TRERF1: variants seen among roughly 807,000 people sequenced by gnomAD.
The protein encoded by TRERF1 is transcriptional regulating factor 1.
TRERF1 carries 27 observed loss-of-function variants against 122.9 expected under a neutral mutation model. The ratio of observed to expected loss-of-function variants is 0.22; its 90% confidence interval spans 0.16 to 0.30. The LOEUF is 0.30. TRERF1 is among the 10% of genes least tolerant of loss of function. The pLI, the probability that TRERF1 is intolerant of heterozygous loss-of-function variation, is 1.00. For synonymous variants in TRERF1, 636 were observed against 641.7 expected, an observed-to-expected ratio of 0.99 and a Z score of 0.13; for missense variants, 1,248 against 1,560.3, an observed-to-expected ratio of 0.80 and a Z score of 3.37.
chr6:42,305,436 C>T (rs894387312), intron 3 of TRERF1, among the ~76,000 whole-genome samples: 5 of 152,136 alleles, frequency 3.3e-5, no homozygotes, highest in African/African-American at 7.2e-5. Flanking sequence ...GGCCACACTG[C>T]TGTCTGAGTT....
At chr6:42,270,768 C>CTTTTTT (rs1175342905) in intron 4 of TRERF1, among the ~76,000 whole-genome samples, 6 of 119,598 alleles carry the variant, frequency 5.0e-5, no homozygotes, top group Non-Finnish European at 8.9e-5. Flanking sequence ...GACCTCATCT[C>CTTTTTT]TTTTTTTTTT....
In TRERF1 at chr6:42,362,059, C is replaced by T. The variant is rs1467918661; in HGVS notation, c.-371+938G>A. Among the ~76,000 whole-genome samples, 6 of 152,312 alleles carry T rather than the reference C, an allele frequency of 3.9e-5. No individual in the cohort carries two copies. The East Asian group carries it at 9.6e-4, about 24-fold the overall frequency. On this transcript the variant is annotated intron_variant, in intron 3 of 17. Coordinates refer to ENST00000372922, the Ensembl canonical transcript of TRERF1. ...TCCTTCCAGGCACAGTAACAGCTCC[C>T]TGACACTGCTGGCCCTGGGTGCTTC...
chr6:42,334,475 G>C (rs1329896690), intron 3 of TRERF1, among the ~76,000 whole-genome samples: 1 of 152,212 alleles, frequency 6.6e-6, no homozygotes, highest in Non-Finnish European at 1.5e-5. Flanking sequence ...AGAATTGCTT[G>C]TATAGGGCAA....
chr6:42,277,912 GA>G (rs1781507059), intron 4 of TRERF1, among the ~76,000 whole-genome samples: 3 of 72,444 alleles, frequency 4.1e-5, no homozygotes, highest in African/African-American at 1.3e-4. Flanking sequence ...GAAGGAAGAA[GA>G]AGAAGAAGAA....
chr6:42,437,174 A>G (rs1419495551), intron 2 of TRERF1, among the ~76,000 whole-genome samples: 2 of 152,126 alleles, frequency 1.3e-5, no homozygotes, highest in Non-Finnish European at 2.9e-5. Context: ...TCCTAGGGAC[A>G]CACAAGGGCA....
chr6:42,388,897 C>T (rs1777241210), intron 2 of TRERF1, among the ~76,000 whole-genome samples: 1 of 152,086 alleles, frequency 6.6e-6, no homozygotes, highest in Non-Finnish European at 1.5e-5. Flanking sequence ...CACAGGAAGG[C>T]AGGCAGGTAT....
At chr6:42,260,566 T>A (rs1346071708) in intron 8 of TRERF1, among the ~76,000 whole-genome samples, 1 of 152,112 alleles carries the variant, frequency 6.6e-6, no homozygotes, top group South Asian at 2.1e-4. Context: ...TGTGGTAGCA[T>A]CAGCCCAGAA....
At chr6:42,256,614 T>C (rs528029500) in intron 12 of TRERF1, 114 bp downstream of exon 12, 30 of 833,200 alleles carry the variant, frequency 3.6e-5, no homozygotes, top group Non-Finnish European at 5.4e-5. Flanking sequence ...TGCTGATTGG[T>C]CATCATGCGC....
intron 3 of TRERF1, among the ~76,000 whole-genome samples, chr6:42,327,262 A>G (rs979162678): frequency 3.9e-5 from 6 of 152,216 alleles, no homozygotes; most frequent in Non-Finnish European, 7.3e-5. Flanking sequence ...TGCATGTCCC[A>G]AAGTGGTTTC....
chr6:42,259,417 C>A lies in TRERF1; in HGVS notation c.2191G>T (p.Gly731Cys). Reference sequence around the variant, plus strand: ...TGCGGGTGGGCGCCAGGGCCGTGGCCGGAGATGAGGACATTGCTGAAGAGC... The same window carrying A: ...TGCGGGTGGGCGCCAGGGCCGTGGCAGGAGATGAGGACATTGCTGAAGAGC... Residue 731 changes from glycine to cysteine, a missense_variant, in exon 9 of 18, where the codon GGC (glycine) becomes TGC (cysteine). This residue lies in a region of TRERF1 where 946 missense variants were observed against 1,073.0 expected (regional missense o/e 0.88). Transcript: ENST00000372922. This position sits in a 1 kb window ranked among gnomAD's most constrained non-coding sequence, Gnocchi z 4.9. 6.4e-7 allele frequency: 1 copy of A among 1,561,888 alleles called. No homozygotes were observed. The highest frequency in any genetic ancestry group is 8.6e-7 in the Non-Finnish European group (1 of 1,161,378).
chr6:42,293,383 C>T (rs770645922), intron 4 of TRERF1, among the ~76,000 whole-genome samples: 5 of 152,142 alleles, frequency 3.3e-5, no homozygotes, highest in African/African-American at 4.8e-5. Flanking sequence ...CAAAGGCGCC[C>T]GGTCCCAGGC....
At chr6:42,312,465 CT>C (rs1561966043) in intron 3 of TRERF1, among the ~76,000 whole-genome samples, 1 of 152,238 alleles carries the variant, frequency 6.6e-6, no homozygotes, top group Admixed American at 6.5e-5. Flanking sequence ...AAGAATCCCC[CT>C]GTGCCGCTTA....
intron 4 of TRERF1, among the ~76,000 whole-genome samples, chr6:42,271,954 G>A (rs896009318): frequency 3.3e-5 from 5 of 152,196 alleles, no homozygotes; most frequent in African/African-American, 9.7e-5. Flanking sequence ...AAGGAACACT[G>A]ACTATTAAAG....
chr6:42,350,420 T>C (rs1468309601), intron 3 of TRERF1, among the ~76,000 whole-genome samples: 5 of 152,232 alleles, frequency 3.3e-5, no homozygotes, highest in Non-Finnish European at 7.3e-5. Flanking sequence ...AATGGCCAGA[T>C]GGCCCCTGAG....
At chr6:42,356,528 T>C (rs755289251) in intron 3 of TRERF1, among the ~76,000 whole-genome samples, 39 of 152,254 alleles carry the variant, frequency 2.6e-4, no homozygotes, top group Non-Finnish European at 5.4e-4. Flanking sequence ...GCTGAGCACC[T>C]TGATCTTGGA....
chr6:42,397,528 C>G (rs1313025401), intron 2 of TRERF1, among the ~76,000 whole-genome samples: 1 of 152,222 alleles, frequency 6.6e-6, no homozygotes, highest in African/African-American at 2.4e-5. Flanking sequence ...TCTGGGAAAA[C>G]AGATACAAAA....
At position 42,263,532 on chromosome 6, in the gene TRERF1, G is replaced by T; in HGVS notation, c.1672C>A (p.Pro558Thr). 1 of 1,560,054 alleles carries T rather than the reference G, an allele frequency of 6.4e-7. No individual in the cohort carries two copies. Among genetic ancestry groups the T allele is most frequent in the Non-Finnish European group, 8.7e-7 (1 of 1,151,940 alleles). The change falls in exon 8 of 18, where the codon CCA becomes ACA. Residue 558 changes from proline to threonine, a missense_variant. By Grantham distance (38) the Pro-to-Thr change is conservative. Transcript: ENST00000372922. This position sits in a 1 kb window ranked among gnomAD's most constrained non-coding sequence, Gnocchi z 5.6. ...GGCGGAGGCGGAGGCGGCAGTGGTG[G>T]CTGGGGCTGAGGCGGCAGGACCTTC... is the stretch of plus-strand genomic sequence containing the variant.
At chr6:42,255,278 G>A (rs913002476) in intron 12 of TRERF1, among the ~76,000 whole-genome samples, 3 of 152,206 alleles carry the variant, frequency 2.0e-5, no homozygotes, top group African/African-American at 7.2e-5. Context: ...ATGAGTGGGT[G>A]ATCTGTAACT....
chr6:42,233,405 C>T (rs867454419), intron 16 of TRERF1, among the ~76,000 whole-genome samples: 1 of 151,786 alleles, frequency 6.6e-6, no homozygotes, highest in African/African-American at 2.4e-5. Context: ...CCTGCCTCAG[C>T]CTCCCGAGTA....
Sources: gnomAD v4.1 joint callset for allele counts (sites outside exome capture counted in the v4.1 genomes callset) on GRCh38, gnomAD v4.1.1 for gene constraint, gnomAD v4.1.1 regional missense constraint, Gnocchi (gnomAD v3.1) non-coding constraint, MANE v1.5 for transcripts, NCBI Gene and HGNC (gene_info 2026-07-23, HGNC 2026-07-21) for gene names.